The following SLC35F1 variants were observed in gnomAD, a reference collection of about 807,000 sequenced individuals.
SLC35F1 encodes solute carrier family 35 member F1.
In SLC35F1, 14 loss-of-function variants were observed where a neutral mutation model predicts 48.7. The ratio of observed to expected loss-of-function variants is 0.29; its 90% CI spans 0.19 to 0.45. The LOEUF (loss-of-function observed/expected upper bound fraction) is 0.45. Among genes scored for constraint, SLC35F1 ranks in the 20% least tolerant of loss-of-function variants. SLC35F1 has a pLI of 1.00. For missense variants in SLC35F1, 404 were observed against 500.0 expected (o/e 0.81, Z 1.83); for synonymous variants, 190 against 202.2 (o/e 0.94, Z 0.51).
At chr6:118,074,254 G>A (rs183903448) in intron 1 of SLC35F1, among the ~76,000 whole-genome samples, 8 of 152,260 alleles carry the variant, frequency 5.3e-5, no homozygotes, top group Non-Finnish European at 8.8e-5. Flanking sequence ...TTAAGCTGTC[G>A]CACAGATAGT....
At chr6:118,156,072 G>A (rs937727302) in intron 2 of SLC35F1, among the ~76,000 whole-genome samples, 2 of 152,056 alleles carry the variant, frequency 1.3e-5, no homozygotes, top group African/African-American at 4.8e-5. Context: ...AAAAATTGGT[G>A]CTATCAATGC....
At chr6:118,246,408 A>G (rs1379637475) in intron 3 of SLC35F1, among the ~76,000 whole-genome samples, 1 of 152,204 alleles carries the variant, frequency 6.6e-6, no homozygotes, top group Non-Finnish European at 1.5e-5. Context: ...GCTGGAAGAT[A>G]GATCAGTAAA....
intron 1 of SLC35F1, among the ~76,000 whole-genome samples, chr6:118,060,390 C>T (rs990162269): frequency 2.6e-5 from 4 of 151,966 alleles, no homozygotes; most frequent in African/African-American, 9.7e-5. Context: ...TTTGAGTCTA[C>T]ATCTGATGTC....
intron 1 of SLC35F1, among the ~76,000 whole-genome samples, chr6:118,121,386 C>A (rs1029421974): frequency 6.6e-6 from 1 of 152,140 alleles, no homozygotes; most frequent in African/African-American, 2.4e-5. Flanking sequence ...TTCATAGAAC[C>A]ACTGAAAGTT....
In SLC35F1 at chr6:118,284,055, T is replaced by A. The variant is rs77923306; in HGVS notation, c.848-1129T>A. ...TTTTGTAGATCTGATGTGGCTTTCA[T>A]ATGGAACGATGATTTGTGCCCTTAA... On this transcript the variant is annotated intron_variant, in intron 6 of 7. Coordinates refer to ENST00000360388, the MANE Select transcript of SLC35F1 (RefSeq NM_001029858.4). Among the ~76,000 whole-genome samples the A allele has an allele frequency of 5.0e-3, 768 of 152,256 alleles. 8 individuals are homozygous for A. Among genetic ancestry groups the A allele is most frequent in the African/African-American group, 0.018 (735 of 41,564 alleles).
intron 1 of SLC35F1, among the ~76,000 whole-genome samples, chr6:117,995,644 G>A (rs556823192): frequency 2.6e-4 from 39 of 152,252 alleles, no homozygotes; most frequent in Admixed American, 1.9e-3. Flanking sequence ...GAGAGGCTGA[G>A]GCAGGAGAAT....
intron 1 of SLC35F1, among the ~76,000 whole-genome samples, chr6:118,150,632 T>C (rs890178499): frequency 2.6e-5 from 4 of 152,192 alleles, no homozygotes; most frequent in Non-Finnish European, 5.9e-5. Flanking sequence ...CCAGGAGACA[T>C]ACTCAGCATC....
intron 1 of SLC35F1, among the ~76,000 whole-genome samples, chr6:117,912,881 T>C (rs1562235320): frequency 1.3e-5 from 2 of 152,312 alleles, no homozygotes; most frequent in East Asian, 3.9e-4. Context: ...ATACTTGTCT[T>C]TGTGTGATTT....
At chr6:118,049,137 G>A (rs548333458) in intron 1 of SLC35F1, among the ~76,000 whole-genome samples, 2 of 152,124 alleles carry the variant, frequency 1.3e-5, no homozygotes, top group Non-Finnish European at 2.9e-5. Context: ...TTAATAAATG[G>A]TGCTGGGAAA....
intron 1 of SLC35F1, among the ~76,000 whole-genome samples, chr6:118,019,833 C>G (rs1777371492): frequency 6.6e-6 from 1 of 152,104 alleles, no homozygotes; most frequent in Non-Finnish European, 1.5e-5. Context: ...ATAAATAACC[C>G]TTATATATAC....
intron 1 of SLC35F1, among the ~76,000 whole-genome samples, chr6:118,098,246 ATCC>A (rs944056956): frequency 1.3e-5 from 2 of 152,174 alleles, no homozygotes; most frequent in Non-Finnish European, 2.9e-5. Context: ...AATTATTACC[ATCC>A]TCCTACAATT....
intron 1 of SLC35F1, among the ~76,000 whole-genome samples, chr6:117,911,346 C>A (rs1322489201): frequency 6.6e-6 from 1 of 151,932 alleles, no homozygotes; most frequent in Non-Finnish European, 1.5e-5. Context: ...TTGATTCAAA[C>A]AAGGAAAAAA....
At chr6:118,261,955 G>A (rs894720139) in intron 3 of SLC35F1, among the ~76,000 whole-genome samples, 2 of 152,116 alleles carry the variant, frequency 1.3e-5, no homozygotes, top group African/African-American at 4.8e-5. Flanking sequence ...GCCTCTCCCT[G>A]CATCCCAGAC....
At chr6:117,908,428 T>G (rs1775723032) in intron 1 of SLC35F1, among the ~76,000 whole-genome samples, 1 of 152,180 alleles carries the variant, frequency 6.6e-6, no homozygotes, top group Non-Finnish European at 1.5e-5. Flanking sequence ...AACCCACTTC[T>G]CCAGCCTGAC....
At chr6:118,274,564 AT>A (rs996557386) in intron 4 of SLC35F1, among the ~76,000 whole-genome samples, 1 of 151,954 alleles carries the variant, frequency 6.6e-6, no homozygotes, top group East Asian at 1.9e-4. Flanking sequence ...CATCTGGCTA[AT>A]TTTTGTAGTT....
At chr6:117,952,266 GA>G (rs1219656468) in intron 1 of SLC35F1, among the ~76,000 whole-genome samples, 3 of 152,086 alleles carry the variant, frequency 2.0e-5, no homozygotes, top group Admixed American at 6.6e-5. Flanking sequence ...ATGTTTTCAA[GA>G]AGGTTAATGT....
At chr6:118,242,168 C>G (rs999670604) in intron 3 of SLC35F1, among the ~76,000 whole-genome samples, 1 of 152,192 alleles carries the variant, frequency 6.6e-6, no homozygotes, top group Non-Finnish European at 1.5e-5. Flanking sequence ...AGCAGCTGTA[C>G]CATTTTACAT....
chr6:118,247,292 T>C (rs1775519664), intron 3 of SLC35F1, among the ~76,000 whole-genome samples: 1 of 152,216 alleles, frequency 6.6e-6, no homozygotes, highest in South Asian at 2.1e-4. Flanking sequence ...ATTATGGTGT[T>C]ATCCCAGGTA....
rs551273523 is a variant in SLC35F1 at position 118,203,085 on chromosome 6, C to T, written c.350-32424C>T. On this transcript the variant is annotated intron_variant, in intron 2 of 7. Transcript: ENST00000360388. ...CTGGAAGACAGCATTCAACTAAAGACAACTCAGCTGCTCTCACACAGCAGT... is the reference window on the plus strand; with the variant it reads ...CTGGAAGACAGCATTCAACTAAAGATAACTCAGCTGCTCTCACACAGCAGT... Among the ~76,000 whole-genome samples the T allele has an allele frequency of 6.6e-5, 10 of 152,352 alleles. 1 individual carries two copies. In the South Asian group the frequency reaches 2.1e-3, roughly 32 times the overall value.
Sources: gnomAD v4.1 joint callset for allele counts (sites outside exome capture counted in the v4.1 genomes callset) on GRCh38, gnomAD v4.1.1 for gene constraint, MANE v1.5 for transcripts, NCBI Gene and HGNC (gene_info 2026-07-23, HGNC 2026-07-21) for gene names.